The following NALF1 variants were observed in gnomAD, a reference collection of about 807,000 sequenced individuals.
NALF1 encodes the protein family with sequence similarity 155 member A.
NALF1 carries 3 observed loss-of-function variants against 48.4 expected under a neutral mutation model. The observed-to-expected ratio is 0.06, with a 90% CI of 0.03 to 0.16. The LOEUF (loss-of-function observed/expected upper bound fraction) is 0.16, where lower values mean the gene tolerates loss of function less well. Ranked by LOEUF, NALF1 falls within the 10% of genes least tolerant of loss-of-function variation. The probability of loss-of-function intolerance (pLI) is 1.00; values close to 1 mark genes in which losing one functional copy is unlikely to be tolerated. For synonymous variants in NALF1, 262 were observed against 245.7 expected (o/e 1.07, Z -0.62); for missense variants, 526 against 571.5 (o/e 0.92, Z 0.81).
chr13:107,492,175 C>T (rs373326100), intron 1 of NALF1, among the ~76,000 whole-genome samples: 15 of 151,346 alleles, frequency 9.9e-5, no homozygotes, highest in Admixed American at 2.6e-4. Context: ...CTCAGCCTTA[C>T]GAGTAGCTGG....
intron 1 of NALF1, among the ~76,000 whole-genome samples, chr13:107,576,247 T>C (rs917255275): frequency 6.6e-6 from 1 of 152,202 alleles, no homozygotes; most frequent in Admixed American, 6.5e-5. Flanking sequence ...GCTCTTCTTA[T>C]AGAGGATAAC....
chr13:107,857,920 CT>C (rs1412360577), intron 1 of NALF1, among the ~76,000 whole-genome samples: 5 of 152,140 alleles, frequency 3.3e-5, no homozygotes, highest in Admixed American at 2.6e-4. Flanking sequence ...TAGGCAAGGT[CT>C]TTTCATATAC....
chr13:107,612,609 G>C (rs1203104540), intron 1 of NALF1, among the ~76,000 whole-genome samples: 1 of 152,112 alleles, frequency 6.6e-6, no homozygotes, highest in Non-Finnish European at 1.5e-5. Flanking sequence ...GAAAGGCAGA[G>C]TCAGAGAGAG....
At chr13:107,604,609 T>A (rs1237137711) in intron 1 of NALF1, among the ~76,000 whole-genome samples, 1 of 152,214 alleles carries the variant, frequency 6.6e-6, no homozygotes, top group Non-Finnish European at 1.5e-5. Context: ...CAATTAAGGC[T>A]GGAGAATTAA....
intron 1 of NALF1, among the ~76,000 whole-genome samples, chr13:107,594,182 C>T (rs906534329): frequency 6.6e-6 from 1 of 152,018 alleles, no homozygotes; most frequent in African/African-American, 2.4e-5. Context: ...TACATAATCT[C>T]CAAATCCCAA....
chr13:107,784,010 C>T (rs1422770300), intron 1 of NALF1, among the ~76,000 whole-genome samples: 1 of 152,142 alleles, frequency 6.6e-6, no homozygotes, highest in East Asian at 1.9e-4. Flanking sequence ...TTCCACACAA[C>T]CGCTCCCCTC....
chr13:107,654,818 T>A (rs1183205844), intron 1 of NALF1, among the ~76,000 whole-genome samples: 1 of 152,144 alleles, frequency 6.6e-6, no homozygotes, highest in Admixed American at 6.6e-5. Flanking sequence ...GTAGGTTTCA[T>A]ACCAGGGCTG....
At chr13:107,213,230 C>CAAAAAAAAAAAAAAAAAAAAA (rs386380636) in intron 1 of NALF1, among the ~76,000 whole-genome samples, 5 of 103,368 alleles carry the variant, frequency 4.8e-5, no homozygotes, top group African/African-American at 7.6e-5. Flanking sequence ...TTTTTTAACT[C>CAAAAAAAAAAAAAAAAAAAAA]AAAAAAAAAA....
At chr13:107,505,367 TG>T (rs1318988158) in intron 1 of NALF1, among the ~76,000 whole-genome samples, 2 of 152,126 alleles carry the variant, frequency 1.3e-5, no homozygotes, top group African/African-American at 2.4e-5. Context: ...GAAGGGAAGC[TG>T]TCAGAGGGTT....
chr13:107,357,825 TA>T (rs964214819), intron 1 of NALF1, among the ~76,000 whole-genome samples: 2 of 152,170 alleles, frequency 1.3e-5, no homozygotes, highest in Non-Finnish European at 2.9e-5. Context: ...TTAGAGACGT[TA>T]GTTTAATGAA....
intron 1 of NALF1, among the ~76,000 whole-genome samples, chr13:107,461,755 A>G (rs1884922402): frequency 6.6e-6 from 1 of 152,236 alleles, no homozygotes; most frequent in South Asian, 2.1e-4. Flanking sequence ...GGTATAATAT[A>G]CACTAAATTG....
intron 1 of NALF1, among the ~76,000 whole-genome samples, chr13:107,227,723 C>T (rs527571555): frequency 3.2e-4 from 49 of 152,270 alleles, no homozygotes; most frequent in Non-Finnish European, 6.6e-4. Context: ...GGTAAGAGTC[C>T]TTCAAGTGAG....
At chr13:107,740,471 T>C (rs1876600477) in intron 1 of NALF1, among the ~76,000 whole-genome samples, 2 of 152,220 alleles carry the variant, frequency 1.3e-5, no homozygotes, top group African/African-American at 4.8e-5. Flanking sequence ...ATGGAAATAC[T>C]TAAAATCAAC....
At chr13:107,501,821 C>A (rs540037649) in intron 1 of NALF1, among the ~76,000 whole-genome samples, 1 of 152,126 alleles carries the variant, frequency 6.6e-6, no homozygotes, top group African/African-American at 2.4e-5. Flanking sequence ...CAACAACTAA[C>A]AATTTATTTA....
chr13:107,828,585 ATCTATC>A (rs1566498036), intron 1 of NALF1, among the ~76,000 whole-genome samples: 1 of 125,020 alleles, frequency 8.0e-6, no homozygotes. Flanking sequence ...CTATCTATCT[ATCTATC>A]TATATCTATA....
At chr13:107,369,207 T>C (rs561139245) in intron 1 of NALF1, among the ~76,000 whole-genome samples, 1 of 152,296 alleles carries the variant, frequency 6.6e-6, no homozygotes, top group African/African-American at 2.4e-5. Context: ...CTGAGTGTGG[T>C]TCCCCTCCCA....
chr13:107,750,441 C>G (rs1340615776), intron 1 of NALF1, among the ~76,000 whole-genome samples: 2 of 152,052 alleles, frequency 1.3e-5, no homozygotes, highest in Non-Finnish European at 2.9e-5. Flanking sequence ...ACATATATTA[C>G]AATTTTCCTG....
intron 1 of NALF1, among the ~76,000 whole-genome samples, chr13:107,572,595 A>G (rs866032300): frequency 3.2e-4 from 48 of 152,210 alleles, no homozygotes; most frequent in African/African-American, 1.1e-3. Flanking sequence ...TGGCAGGAGA[A>G]CTCGTCACAT....
chr13:107,634,846 G>C (rs1279083521), intron 1 of NALF1, among the ~76,000 whole-genome samples: 1 of 152,050 alleles, frequency 6.6e-6, no homozygotes, highest in Non-Finnish European at 1.5e-5. Context: ...GAGAGCAAAT[G>C]GTCTACAATG....
Sources: gnomAD v4.1 joint callset for allele counts (sites outside exome capture counted in the v4.1 genomes callset) on GRCh38, gnomAD v4.1.1 for gene constraint, MANE v1.5 for transcripts, NCBI Gene and HGNC (gene_info 2026-07-23, HGNC 2026-07-21) for gene names.